ATP8B3: variants seen among roughly 807,000 people sequenced by gnomAD.
ATP8B3 encodes the protein phospholipid-transporting ATPase IK.
A neutral mutation model predicts 140.9 loss-of-function variants in ATP8B3; 141 were observed. The observed-to-expected ratio is 1.00, with a 90% CI of 0.87 to 1.15. ATP8B3 has a LOEUF of 1.15. Ranked by LOEUF, ATP8B3 falls within the 50% of genes most tolerant of loss-of-function variation. The pLI, the probability that ATP8B3 is intolerant of heterozygous loss-of-function variation, is 0.00. For synonymous variants in ATP8B3, 765 were observed against 714.6 expected (o/e 1.07, Z -1.13); for missense variants, 1,874 against 1,740.6 (o/e 1.08, Z -1.36).
chr19:1,806,827 G>A lies in ATP8B3; in HGVS notation c.616-138C>T. 1.0e-6 allele frequency: 1 copy of A among 999,170 alleles called. No individual in the cohort carries two copies. Among genetic ancestry groups the A allele is most frequent in the Admixed American group, 2.2e-5 (1 of 46,072 alleles). The allele number at this position is 999,170 out of a possible 1,614,324, so 61.9% of individuals were successfully genotyped here. A position where few individuals can be genotyped will look rare whatever the true frequency, so the allele number is the denominator to read the frequency against. On this transcript the variant is annotated intron_variant, in intron 6 of 28. Coordinates refer to ENST00000310127, the MANE Select transcript of ATP8B3 (RefSeq NM_138813.4). The surrounding 1 kb of genome is among the most constrained non-coding windows in gnomAD (Gnocchi z 5.6). Reference sequence around the variant, plus strand: ...GCTGGCCCCACGCCACGTTGCGTCTGCTCAGGGATCCCGGACGTGGGGGCC... The same window carrying A: ...GCTGGCCCCACGCCACGTTGCGTCTACTCAGGGATCCCGGACGTGGGGGCC...
chr19:1,786,727 T>A (rs1387592369), intron 25 of ATP8B3, among the ~76,000 whole-genome samples: 1 of 152,130 alleles, frequency 6.6e-6, no homozygotes, highest in Non-Finnish European at 1.5e-5. Flanking sequence ...TCTGGAACGT[T>A]CCATGTGACC....
At chr19:1,803,507 G>C (rs1466905985) in intron 10 of ATP8B3, among the ~76,000 whole-genome samples, 2 of 152,200 alleles carry the variant, frequency 1.3e-5, no homozygotes, top group Admixed American at 1.3e-4. Context: ...GCAGATGGAC[G>C]AGGCCAGGGC....
At chr19:1,811,410 A>C (rs896638871) in intron 2 of ATP8B3, 79 bp downstream of exon 2, 1 of 1,505,152 alleles carries the variant, frequency 6.6e-7, no homozygotes, top group South Asian at 1.3e-5. Flanking sequence ...CTGGCCCCCC[A>C]CCTGCCAGCT....
chr19:1,793,761 G>C (rs899201291), intron 18 of ATP8B3, among the ~76,000 whole-genome samples: 1 of 151,918 alleles, frequency 6.6e-6, no homozygotes, highest in Non-Finnish European at 1.5e-5. Flanking sequence ...TTTATTTTTT[G>C]AGATGGAGTC....
chr19:1,784,492 G>A (rs1405306385), intron 28 of ATP8B3, among the ~76,000 whole-genome samples: 1 of 152,180 alleles, frequency 6.6e-6, no homozygotes, highest in Non-Finnish European at 1.5e-5. Context: ...TCCAGCCTGG[G>A]TGACAGCACA....
intron 10 of ATP8B3, among the ~76,000 whole-genome samples, chr19:1,804,187 G>A (rs900908024): frequency 1.3e-5 from 2 of 152,114 alleles, no homozygotes; most frequent in Non-Finnish European, 2.9e-5. Flanking sequence ...ACATCTCCAG[G>A]TGGAAAATAA....
At chr19:1,802,407 A>AGCCCCCCCCCC in intron 11 of ATP8B3, 80 bp downstream of exon 11, 1 of 318,102 alleles carries the variant, frequency 3.1e-6, no homozygotes. Flanking sequence ...CCACCCACCT[A>AGCCCCCCCCCC]CCCACCCACC....
In ATP8B3 at chr19:1,800,443, T is replaced by C. The variant is rs1028084860; in HGVS notation, c.1159A>G (p.Ile387Val). The C allele has an allele frequency of 6.2e-7, 1 of 1,610,394 alleles. No individual in the cohort carries two copies. Among genetic ancestry groups the C allele is most frequent in the Non-Finnish European group, 8.5e-7 (1 of 1,179,176 alleles). ...LMNKLVVVIF[I>V]SVVLVCLVLA... is the part of the protein sequence containing the mutation. Reference sequence around the variant, plus strand: ...ACCAGGCAGACAAGCACCACGGAGATGAAGATCTGGAAGGCAGACGCGACA... The same window carrying C: ...ACCAGGCAGACAAGCACCACGGAGACGAAGATCTGGAAGGCAGACGCGACA... Residue 387 changes from isoleucine (I) to valine (V), a missense_variant, in exon 13 of 29, where the codon ATC becomes GTC. This residue lies in a region of ATP8B3 where 1,032 missense variants were observed against 963.6 expected (regional missense o/e 1.07). Transcript: ENST00000310127. The surrounding 1 kb of genome is among the most constrained non-coding windows in gnomAD (Gnocchi z 4.4).
At chr19:1,810,747 C>A in intron 2 of ATP8B3, 64 bp from the exon 3 acceptor site, 1 of 1,496,818 alleles carries the variant, frequency 6.7e-7, no homozygotes, top group Non-Finnish European at 9.1e-7. Flanking sequence ...ACCACTCGGT[C>A]TTCAAGGAGC....
rs2069163073 is a variant in ATP8B3, at chr19:1,810,649, C to A, written c.283G>T (p.Asp95Tyr). The A allele has an allele frequency of 5.0e-6, 8 of 1,612,958 alleles. No homozygotes were observed. Among genetic ancestry groups the A allele is most frequent in the Non-Finnish European group, 6.8e-6 (8 of 1,179,558 alleles). ...GAGTTCCTGTCCTCATCTTGGAGATCTTCTCTCTGGCCGAGGCTGCCCATG... is the reference window on the plus strand; with the variant it reads ...GAGTTCCTGTCCTCATCTTGGAGATATTCTCTCTGGCCGAGGCTGCCCATG... ...TSMGSLGQRE[D>Y]LQDEDRNSAF... The change falls in exon 3 of 29, where the codon GAT becomes TAT. Residue 95 changes from aspartate to tyrosine, a missense_variant. Coordinates refer to ENST00000310127, the MANE Select transcript of ATP8B3 (RefSeq NM_138813.4).
chr19:1,789,173 C>G, intron 23 of ATP8B3, 53 bp from the exon 24 acceptor site: 2 of 1,079,736 alleles, frequency 1.9e-6, no homozygotes, highest in South Asian at 2.9e-5. Flanking sequence ...GTCCCGCCCG[C>G]CCCCCCAGAC....
chr19:1,785,843 A>C, intron 25 of ATP8B3, 135 bp from the exon 26 acceptor site: 2 of 1,035,074 alleles, frequency 1.9e-6, no homozygotes, highest in Non-Finnish European at 2.7e-6. Context: ...AGTTAAAATA[A>C]AGTAAGGCCA....
At chr19:1,811,448 C>G in intron 2 of ATP8B3, 41 bp downstream of exon 2, 2 of 1,590,708 alleles carry the variant, frequency 1.3e-6, no homozygotes, top group South Asian at 2.3e-5. Flanking sequence ...CCGCCAAGCC[C>G]CTGCCCCTGT....
In ATP8B3 at chr19:1,794,937, G is replaced by A. The variant is rs540722607; in HGVS notation, c.2055+938C>T. On this transcript the variant is annotated intron_variant, in intron 18 of 28. Coordinates refer to ENST00000310127, the MANE Select transcript of ATP8B3 (RefSeq NM_138813.4). The surrounding 1 kb of genome is among the most constrained non-coding windows in gnomAD (Gnocchi z 4.8). ...TCCTGGCAGCTGGGCCAGCTCAACC[G>A]CACGGTCGTCTTGTGCAAATGAGAA... 1.1e-4 allele frequency among the ~76,000 whole-genome samples: 16 copies of A among 152,298 alleles called. No homozygotes were observed. Among genetic ancestry groups the A allele is most frequent in the Middle Eastern group, 3.4e-3 (1 of 294 alleles).
In ATP8B3 at chr19:1,809,684, T is replaced by C. The variant is rs777008823; in HGVS notation, c.361A>G (p.Lys121Glu). 5.0e-6 allele frequency: 8 copies of C among 1,611,442 alleles called. No homozygotes were observed. The Admixed American group carries it at 8.4e-5, about 17-fold the overall frequency. Residue 121 changes from lysine (K) to glutamate (E), a missense_variant, in exon 4 of 29, where the codon AAG becomes GAG. Coordinates refer to ENST00000310127, the MANE Select transcript of ATP8B3 (RefSeq NM_138813.4). ...TGCCAGCACAGGATCACCTTCTCCT[T>C]GAACTGCCCGTTGTAGGCACGGTTG... ...ANNRAYNGQFKEKVILCWQRK... is the reference protein window; with the variant it reads ...ANNRAYNGQFEEKVILCWQRK...
chr19:1,789,350 C>T lies in ATP8B3; in HGVS notation c.2845+11G>A. On this transcript the variant is annotated intron_variant, in intron 23 of 28. Transcript: ENST00000310127. ...GTCCCAGGCACCCCCAGCCCCGCCG[C>T]CGCCACCCACTCTTGATCATGTTGA... 1 of 1,507,462 alleles carries T rather than the reference C, an allele frequency of 6.6e-7. No homozygotes were observed. The allele number at this position is 1,507,462 out of a possible 1,614,324, so 93.4% of individuals were successfully genotyped here. A position where few individuals can be genotyped will look rare whatever the true frequency, so the allele number is the denominator to read the frequency against.
chr19:1,782,946 G>T lies in ATP8B3; in HGVS notation c.*82C>A, dbSNP rs182208781. ...ATAGAAAATGATGAGCTAGGTGTAG[G>T]GGGGAGCTGTACTTCCTGGGAGGAC... On this transcript the variant is annotated 3_prime_UTR_variant, in exon 29 of 29. Transcript: ENST00000310127. 91 of 1,502,406 alleles carry T rather than the reference G, an allele frequency of 6.1e-5. No homozygotes were observed. The African/African-American group carries it at 1.1e-3, about 19-fold the overall frequency. 93.1% of individuals were successfully genotyped at this position (1,502,406 alleles called of 1,614,324 possible).
At chr19:1,802,771 T>TA in intron 10 of ATP8B3, 126 bp from the exon 11 acceptor site, 1 of 1,176,908 alleles carries the variant, frequency 8.5e-7, no homozygotes. Flanking sequence ...AAACTTGCCC[T>TA]ATGGTGCCCC....
rs764270080 is a variant in ATP8B3 at position 1,791,803 on chromosome 19, T to C, written c.2249A>G (p.Lys750Arg). ...TTTGATGTTGCTCTTCTTGAGACAT[T>C]TGATGGTTTCAGGGACACCGTCCTG... is the stretch of plus-strand genomic sequence containing the variant. Reference protein sequence around the residue: ...RLQDGVPETIKCLKKSNIKIW... With the variant: ...RLQDGVPETIRCLKKSNIKIW... Residue 750 changes from lysine (K) to arginine (R), a missense_variant, in exon 20 of 29, where the codon AAA becomes AGA. Lys to Arg is a conservative substitution (Grantham distance 26). Coordinates refer to ENST00000310127, the MANE Select transcript of ATP8B3 (RefSeq NM_138813.4). The C allele has an allele frequency of 1.2e-6, 2 of 1,611,898 alleles. No individual in the cohort carries two copies. Among genetic ancestry groups the C allele is most frequent in the Non-Finnish European group, 1.7e-6 (2 of 1,179,796 alleles).
Sources: allele counts gnomAD v4.1 joint callset (sites outside exome capture counted in the v4.1 genomes callset), GRCh38; gene constraint gnomAD v4.1.1; regional missense constraint gnomAD v4.1.1; non-coding constraint Gnocchi (gnomAD v3.1); transcripts MANE v1.5; gene names NCBI Gene and HGNC (gene_info 2026-07-23, HGNC 2026-07-21).